The following RYR1 variants were observed in gnomAD, a reference collection of about 807,000 sequenced individuals.
The protein encoded by RYR1 is central core disease of muscle.
In RYR1, 342 loss-of-function variants were observed where a neutral mutation model predicts 583.5. The observed-to-expected ratio is 0.59, with a 90% CI of 0.54 to 0.64. The LOEUF (loss-of-function observed/expected upper bound fraction) is 0.64. RYR1 is among the 30% of genes least tolerant of loss of function. The pLI, the probability that RYR1 is intolerant of heterozygous loss-of-function variation, is 0.00. For synonymous variants in RYR1, 2,791 were observed against 2,822.5 expected, an observed-to-expected ratio of 0.99 and a Z score of 0.35; for missense variants, 6,032 against 6,917.2, an observed-to-expected ratio of 0.87 and a Z score of 4.54.
At chr19:38,502,756 C>A in intron 48 of RYR1, 29 bp downstream of exon 48, 1 of 336,564 alleles carries the variant, frequency 3.0e-6, no homozygotes, top group Admixed American at 5.3e-5. Flanking sequence ...CAGGGTGGGG[C>A]AGGGGCAGGG....
In RYR1 at chr19:38,499,371, G is replaced by A; in HGVS notation, c.7027+128G>A. The A allele has an allele frequency of 6.9e-7, 1 of 1,444,552 alleles. No individual in the cohort carries two copies. The highest frequency in any genetic ancestry group is 9.6e-7 in the Non-Finnish European group (1 of 1,038,146). 89.5% of individuals were successfully genotyped at this position (1,444,552 alleles called of 1,614,324 possible). A position where few individuals can be genotyped will look rare whatever the true frequency, so the allele number is the denominator to read the frequency against. ...GCAGGAATCCCTTCCAGCAGGCCTG[G>A]GGCTGGCAGGGGCCTGTGTTACCCC... is the stretch of plus-strand genomic sequence containing the variant. On this transcript the variant is annotated intron_variant, in intron 43 of 105. Coordinates refer to ENST00000359596, the MANE Select transcript of RYR1 (RefSeq NM_000540.3). This position sits in a 1 kb window ranked among gnomAD's most constrained non-coding sequence, Gnocchi z 7.3.
chr19:38,464,342 C>T (rs1967973406), intron 22 of RYR1, among the ~76,000 whole-genome samples: 1 of 136,478 alleles, frequency 7.3e-6, no homozygotes, highest in Non-Finnish European at 1.6e-5. Context: ...GGGACAGAGG[C>T]AGAAAGAGAG....
At chr19:38,560,277 C>T (rs1384216466) in intron 89 of RYR1, among the ~76,000 whole-genome samples, 1 of 152,042 alleles carries the variant, frequency 6.6e-6, no homozygotes, top group African/African-American at 2.4e-5. Flanking sequence ...GCACGAGACT[C>T]ATTTGACCCT....
rs554804401 is a variant in RYR1 at position 38,486,343 on chromosome 19, T to C, written c.5547+141T>C. The C allele has an allele frequency of 8.0e-6, 9 of 1,118,978 alleles. No homozygotes were observed. In the African/African-American group the frequency reaches 1.1e-4, roughly 14 times the overall value. The allele number at this position is 1,118,978 out of a possible 1,614,324, so 69.3% of individuals were successfully genotyped here. A position where few individuals can be genotyped will look rare whatever the true frequency, so the allele number is the denominator to read the frequency against. On this transcript the variant is annotated intron_variant, in intron 34 of 105. Transcript: ENST00000359596. ...CCTCTATACATCCATCCACCTTTCT[T>C]TTTATTATTATTATTTTTTCGAGAC...
chr19:38,554,577 C>T (rs1421702055), intron 89 of RYR1, among the ~76,000 whole-genome samples: 4 of 151,846 alleles, frequency 2.6e-5, no homozygotes, highest in Admixed American at 2.6e-4. Flanking sequence ...AAAACATCTA[C>T]TATAGCTTGG....
At chr19:38,474,323 C>T (rs140921213) in intron 28 of RYR1, among the ~76,000 whole-genome samples, 3,680 of 151,670 alleles carry the variant, frequency 0.024, 183 homozygotes, top group African/African-American at 0.083. Flanking sequence ...AATGCAATGG[C>T]GCAATCTCAG....
rs1223090052 is a variant in RYR1, at chr19:38,565,212, C to T, written c.12878C>T (p.Ala4293Val). 23 of 994,358 alleles carry T rather than the reference C, an allele frequency of 2.3e-5. No homozygotes were observed. The East Asian group carries it at 1.4e-3, about 61-fold the overall frequency. 61.6% of individuals were successfully genotyped at this position (994,358 alleles called of 1,614,324 possible). Residue 4293 changes from alanine to valine, a missense_variant, in exon 91 of 106, where the codon GCG becomes GTG. Transcript: ENST00000359596. This position sits in a 1 kb window ranked among gnomAD's most constrained non-coding sequence, Gnocchi z 4.7. ...EGTAATAAAG[A>V]TARVVAAAGR... is the part of the protein sequence containing the mutation. Reference sequence around the variant, plus strand: ...ACGGCGGCCACGGCGGCGGCGGGGGCGACGGCGCGGGTTGTGGCGGCCGCA... The same window carrying T: ...ACGGCGGCCACGGCGGCGGCGGGGGTGACGGCGCGGGTTGTGGCGGCCGCA...
rs780785655 is a variant in RYR1 at position 38,502,919 on chromosome 19, C to T, written c.7875C>T (p.Arg2625=). The T allele has an allele frequency of 5.0e-6, 8 of 1,611,832 alleles. No homozygotes were observed. The highest frequency in any genetic ancestry group is 3.3e-5 in the South Asian group (3 of 91,068). The change falls in exon 49 of 106, where the codon CGC becomes CGT. Residue 2625 remains arginine, a synonymous_variant. Transcript: ENST00000359596. ...CGATGCTGCAGCACCTGTTGCGCCG[C>T]CTGGTGTTCGACGTGCCCATCCTCA... ...RPSMLQHLLR[R]LVFDVPILNE... is the part of the protein sequence containing the mutation.
At chr19:38,487,869 A>G (rs1251439097) in intron 34 of RYR1, among the ~76,000 whole-genome samples, 1 of 152,158 alleles carries the variant, frequency 6.6e-6, no homozygotes, top group Non-Finnish European at 1.5e-5. Flanking sequence ...CCTGGGCTCA[A>G]GCAATTCTCC....
intron 9 of RYR1, 67 bp from the exon 10 acceptor site, chr19:38,448,286 GAA>G (rs1478678667): frequency 1.3e-6 from 2 of 1,520,832 alleles, no homozygotes; most frequent in Non-Finnish European, 1.8e-6. Context: ...AGAAAAAGAA[GAA>G]AAGACTGTAA....
rs752060440 is a variant in RYR1, at chr19:38,565,001, G to C, written c.12667G>C (p.Glu4223Gln). Reference protein sequence around the residue: ...KRQFIFDVVNEGGEAEKMELF... With the variant: ...KRQFIFDVVNQGGEAEKMELF... ...CCAGTTCATCTTCGACGTGGTGAACGAGGGCGGCGAGGCTGAGAAGATGGA... is the reference window on the plus strand; with the variant it reads ...CCAGTTCATCTTCGACGTGGTGAACCAGGGCGGCGAGGCTGAGAAGATGGA... Residue 4223 changes from glutamate to glutamine, a missense_variant, in exon 91 of 106, where the codon GAG (glutamate) becomes CAG (glutamine). Around this residue, in one of 11 missense-constraint regions of RYR1, gnomAD observed 753 missense variants for 759.6 expected, o/e 0.99. Coordinates refer to ENST00000359596, the MANE Select transcript of RYR1 (RefSeq NM_000540.3). This position sits in a 1 kb window ranked among gnomAD's most constrained non-coding sequence, Gnocchi z 4.7. 1 of 1,592,794 alleles carries C rather than the reference G, an allele frequency of 6.3e-7. No homozygotes were observed. The highest frequency in any genetic ancestry group is 1.1e-5 in the South Asian group (1 of 87,314).
chr19:38,471,573 G>A (rs2145474544), intron 27 of RYR1, among the ~76,000 whole-genome samples: 1 of 151,736 alleles, frequency 6.6e-6, no homozygotes, highest in East Asian at 2.0e-4. Context: ...ATAAGACAGA[G>A]GGGAGAAAGA....
chr19:38,497,778 A>G (rs530076713), intron 42 of RYR1, among the ~76,000 whole-genome samples: 1 of 152,272 alleles, frequency 6.6e-6, no homozygotes, highest in East Asian at 1.9e-4. Flanking sequence ...GTTTAAGACC[A>G]GCCTGGACAA....
intron 19 of RYR1, 142 bp from the exon 20 acceptor site, chr19:38,460,233 C>T (rs964458085): frequency 3.9e-6 from 3 of 766,528 alleles, no homozygotes; most frequent in Non-Finnish European, 7.1e-6. Flanking sequence ...TAAATGACCT[C>T]CAGGACACTA....
chr19:38,543,161 T>C lies in RYR1; in HGVS notation c.11690-186T>C, dbSNP rs1360859472. Among the ~76,000 whole-genome samples the C allele has an allele frequency of 6.6e-6, 1 of 152,208 alleles. No homozygotes were observed. Among genetic ancestry groups the C allele is most frequent in the African/African-American group, 2.4e-5 (1 of 41,462 alleles). On this transcript the variant is annotated intron_variant, in intron 84 of 105. Coordinates refer to ENST00000359596, the MANE Select transcript of RYR1 (RefSeq NM_000540.3). This position sits in a 1 kb window ranked among gnomAD's most constrained non-coding sequence, Gnocchi z 4.4. ...CAGTATTTTTAGACAAATGAATAAA[T>C]GATCATCCATCTTTCTCTGTCACAT...
intron 93 of RYR1, among the ~76,000 whole-genome samples, chr19:38,569,410 C>T (rs544341924): frequency 4.6e-3 from 696 of 152,030 alleles, no homozygotes; most frequent in Non-Finnish European, 7.1e-3. Flanking sequence ...TTTTAATTAG[C>T]TGGGTGAGGT....
In RYR1 at chr19:38,543,342, C is replaced by G. The variant is rs746450337; in HGVS notation, c.11690-5C>G. On this transcript the variant is annotated splice_region_variant and splice_polypyrimidine_tract_variant and intron_variant, in intron 84 of 105. Transcript: ENST00000359596. This position sits in a 1 kb window ranked among gnomAD's most constrained non-coding sequence, Gnocchi z 4.4. ...TGCTGGATAAATGACTTTTCATCTC[C>G]CCAGATTTCCAGAACTACCTACGGA... 5.0e-6 allele frequency: 8 copies of G among 1,613,986 alleles called. No homozygotes were observed. The highest frequency in any genetic ancestry group is 5.1e-6 in the Non-Finnish European group (6 of 1,179,844).
Position 38,564,818 on chromosome 19 carries a change from C to A in RYR1, c.12625-141C>A, listed in dbSNP as rs979913129. ...GGCGGAGCCACCGCGCCCAGCCTGA[C>A]CCTGTCTCAAAAACAAAATACCAAC... On this transcript the variant is annotated intron_variant, in intron 90 of 105. Coordinates refer to ENST00000359596, the MANE Select transcript of RYR1 (RefSeq NM_000540.3). 6.3e-6 allele frequency: 9 copies of A among 1,435,706 alleles called. No homozygotes were observed. In the South Asian group the frequency reaches 1.1e-4, roughly 18 times the overall value. The allele number at this position is 1,435,706 out of a possible 1,614,324, so 88.9% of individuals were successfully genotyped here.
chr19:38,536,361 A>C (rs1297514085), intron 82 of RYR1, among the ~76,000 whole-genome samples: 1 of 147,490 alleles, frequency 6.8e-6, no homozygotes, highest in Non-Finnish European at 1.5e-5. Flanking sequence ...CGTGCCCCAA[A>C]TGTCACGCCC....
Sources: allele counts gnomAD v4.1 joint callset (sites outside exome capture counted in the v4.1 genomes callset), GRCh38; gene constraint gnomAD v4.1.1; regional missense constraint gnomAD v4.1.1; non-coding constraint Gnocchi (gnomAD v3.1); transcripts MANE v1.5; gene names NCBI Gene and HGNC (gene_info 2026-07-23, HGNC 2026-07-21).